EYS: variants seen among roughly 807,000 people sequenced by gnomAD.
EYS encodes the protein protein eyes shut homolog.
Under a neutral mutation model 282.1 loss-of-function variants are expected in EYS, and 250 were observed. The observed-to-expected ratio is 0.89, with a 90% CI of 0.80 to 0.98. EYS has a LOEUF of 0.98. Among genes scored for constraint, EYS ranks in the 50% least tolerant of loss-of-function variants. EYS has a pLI of 0.00. For synonymous variants in EYS, 1,355 were observed against 1,282.9 expected, an observed-to-expected ratio of 1.06 and a Z score of -1.20; for missense variants, 4,016 against 3,709.0, an observed-to-expected ratio of 1.08 and a Z score of -2.15.
intron 12 of EYS, among the ~76,000 whole-genome samples, chr6:65,164,917 C>T (rs1466023507): frequency 6.6e-6 from 1 of 151,212 alleles, no homozygotes; most frequent in East Asian, 2.0e-4. Flanking sequence ...AAGGACACCA[C>T]TCATTTCAAT....
intron 22 of EYS, among the ~76,000 whole-genome samples, chr6:64,785,179 C>T (rs1382133287): frequency 6.6e-6 from 1 of 152,172 alleles, no homozygotes; most frequent in Non-Finnish European, 1.5e-5. Flanking sequence ...CTTCAGTTGC[C>T]AGCGTTTCAG....
At chr6:64,765,892 C>G (rs1773313749) in intron 22 of EYS, among the ~76,000 whole-genome samples, 2 of 151,950 alleles carry the variant, frequency 1.3e-5, no homozygotes, top group African/African-American at 4.8e-5. Flanking sequence ...GCCAAAAAAC[C>G]ATATCAATGG....
At chr6:65,085,382 T>A (rs1774336300) in intron 12 of EYS, among the ~76,000 whole-genome samples, 1 of 152,140 alleles carries the variant, frequency 6.6e-6, no homozygotes, top group African/African-American at 2.4e-5. Context: ...GATTTCATAT[T>A]TGAACCTCCT....
At position 63,774,472 on chromosome 6, in the gene EYS, A is replaced by G. The variant is rs535552268; in HGVS notation, c.7898+3534T>C. Among the ~76,000 whole-genome samples, 5 of 152,084 alleles carry G rather than the reference A, an allele frequency of 3.3e-5. No individual in the cohort carries two copies. In the East Asian group the frequency reaches 7.7e-4, roughly 23 times the overall value. On this transcript the variant is annotated intron_variant, in intron 40 of 42. Transcript: ENST00000503581. Reference sequence around the variant, plus strand: ...GCATGAGCCACGATGACAGGGCTACACTGTGTTTTTCTTAAAGGGACACAT... The same window carrying G: ...GCATGAGCCACGATGACAGGGCTACGCTGTGTTTTTCTTAAAGGGACACAT...
At chr6:64,285,093 C>G (rs1479347578) in intron 30 of EYS, among the ~76,000 whole-genome samples, 1 of 152,176 alleles carries the variant, frequency 6.6e-6, no homozygotes, top group African/African-American at 2.4e-5. Flanking sequence ...ATTTTATTTT[C>G]TATCCCATTG....
intron 19 of EYS, among the ~76,000 whole-genome samples, chr6:64,825,895 T>C (rs1765040697): frequency 6.8e-6 from 1 of 147,426 alleles, no homozygotes; most frequent in Admixed American, 6.8e-5. Flanking sequence ...GAGATATTCA[T>C]AAAGTGCACA....
intron 18 of EYS, among the ~76,000 whole-genome samples, chr6:64,891,376 C>T (rs943479892): frequency 1.3e-5 from 2 of 152,038 alleles, no homozygotes; most frequent in African/African-American, 4.8e-5. Flanking sequence ...TCTCTTCCTC[C>T]TTTCCTCCCT....
intron 5 of EYS, among the ~76,000 whole-genome samples, chr6:65,435,946 T>G (rs1445476206): frequency 1.3e-5 from 2 of 152,172 alleles, no homozygotes; most frequent in African/African-American, 4.8e-5. Flanking sequence ...ACAACCCTGC[T>G]GACACTTTAA....
chr6:65,152,970 C>G lies in EYS; in HGVS notation c.2024-95243G>C, dbSNP rs573326321. 4.7e-5 allele frequency among the ~76,000 whole-genome samples: 7 copies of G among 150,372 alleles called. No homozygotes were observed. The South Asian group carries it at 1.5e-3, about 32-fold the overall frequency. ...ATACACAAGAGCACAGACGGCGACA[C>G]TTGTATTAGACCAAAAAAAAAAAAA... On this transcript the variant is annotated intron_variant, in intron 12 of 42. Coordinates refer to ENST00000503581, the MANE Select transcript of EYS (RefSeq NM_001142800.2).
intron 26 of EYS, among the ~76,000 whole-genome samples, chr6:64,507,203 T>C (rs1022445535): frequency 6.6e-6 from 1 of 152,090 alleles, no homozygotes; most frequent in Non-Finnish European, 1.5e-5. Flanking sequence ...TTTATTGTTA[T>C]ACTTTAAATT....
intron 11 of EYS, among the ~76,000 whole-genome samples, chr6:65,307,031 C>T (rs1364393787): frequency 2.8e-5 from 4 of 140,620 alleles, no homozygotes; most frequent in Admixed American, 7.1e-5. Context: ...TTTTGAAGCA[C>T]GCCTCTTCAG....
chr6:63,953,753 A>G (rs981178854), intron 35 of EYS, among the ~76,000 whole-genome samples: 7 of 151,662 alleles, frequency 4.6e-5, no homozygotes, highest in African/African-American at 1.7e-4. Context: ...GCTCTCCCTA[A>G]CTCATCTCAA....
intron 1 of EYS, among the ~76,000 whole-genome samples, chr6:65,692,235 C>T (rs73437919): frequency 0.027 from 4,030 of 149,948 alleles, 255 homozygotes; most frequent in African/African-American, 0.091. Context: ...GAACATAGAG[C>T]GTGGAATAAT....
intron 22 of EYS, among the ~76,000 whole-genome samples, chr6:64,704,482 TTATAATTATAA>T (rs1045606106): frequency 5.7e-5 from 1 of 17,470 alleles, no homozygotes; most frequent in African/African-American, 1.1e-4. Context: ...TATAATTATA[TTATAATTATAA>T]TATAATACTT....
At chr6:64,843,477 C>T (rs1480509536) in intron 19 of EYS, among the ~76,000 whole-genome samples, 1 of 152,220 alleles carries the variant, frequency 6.6e-6, no homozygotes, top group Non-Finnish European at 1.5e-5. Context: ...TCCACATGAC[C>T]TGGATGTGAG....
chr6:63,950,057 C>T (rs1245956033), intron 35 of EYS, among the ~76,000 whole-genome samples: 2 of 151,970 alleles, frequency 1.3e-5, no homozygotes, highest in African/African-American at 4.8e-5. Context: ...CCTGTAATAC[C>T]AGCTACTCGG....
At chr6:65,202,454 C>G (rs1765925483) in intron 12 of EYS, among the ~76,000 whole-genome samples, 1 of 152,056 alleles carries the variant, frequency 6.6e-6, no homozygotes, top group Non-Finnish European at 1.5e-5. Flanking sequence ...GTGGCCTGGA[C>G]AAGTTCACCC....
At chr6:64,471,908 G>T (rs73455414) in intron 26 of EYS, among the ~76,000 whole-genome samples, 1 of 152,236 alleles carries the variant, frequency 6.6e-6, no homozygotes, top group East Asian at 1.9e-4. Flanking sequence ...TAGCACAGTA[G>T]GGTGACTGTA....
intron 12 of EYS, among the ~76,000 whole-genome samples, chr6:65,071,408 T>C (rs1773899186): frequency 6.6e-6 from 1 of 151,806 alleles, no homozygotes; most frequent in African/African-American, 2.4e-5. Context: ...ATGGGACTAT[T>C]CCATATTATA....
Sources: gnomAD v4.1 joint callset for allele counts (sites outside exome capture counted in the v4.1 genomes callset) on GRCh38, gnomAD v4.1.1 for gene constraint, MANE v1.5 for transcripts, NCBI Gene and HGNC (gene_info 2026-07-23, HGNC 2026-07-21) for gene names.